Variants in PGCKA1 observed in about 807,000 individuals in gnomAD.
The protein encoded by PGCKA1 is PDCD10 and GCKIII kinases-associated protein 1.
chr4:37,474,758 A>G, the PGCKA1 span, among the ~76,000 whole-genome samples: 1 of 152,172 alleles, frequency 6.6e-6, no homozygotes, highest in Non-Finnish European at 1.5e-5. Context: ...CAGAGATGGT[A>G]CTTAGCGAAG....
the PGCKA1 span, among the ~76,000 whole-genome samples, chr4:37,549,166 C>G: frequency 2.0e-5 from 3 of 152,208 alleles, no homozygotes; most frequent in African/African-American, 7.2e-5. Context: ...TGAAGTGATG[C>G]GATGAGCTTA....
the PGCKA1 span, among the ~76,000 whole-genome samples, chr4:37,526,450 G>A: frequency 0.041 from 6,207 of 152,294 alleles, 175 homozygotes; most frequent in Non-Finnish European, 0.062. Context: ...TGACTTGAGT[G>A]ATGGAAATGG....
the PGCKA1 span, among the ~76,000 whole-genome samples, chr4:37,485,971 C>T: frequency 6.6e-6 from 1 of 152,124 alleles, no homozygotes; most frequent in East Asian, 1.9e-4. Context: ...AGTTAAGCAC[C>T]GTATCATGAA....
the PGCKA1 span, among the ~76,000 whole-genome samples, chr4:37,492,718 T>C: frequency 2.0e-5 from 3 of 152,300 alleles, no homozygotes; most frequent in Middle Eastern, 3.4e-3. This position sits in a 1 kb window ranked among gnomAD's most constrained non-coding sequence, Gnocchi z 4.7. Flanking sequence ...ACTTCCAGAC[T>C]TCTGCTGAGG....
the PGCKA1 span, among the ~76,000 whole-genome samples, chr4:37,488,995 T>C: frequency 2.0e-5 from 3 of 152,132 alleles, no homozygotes; most frequent in East Asian, 3.8e-4. Flanking sequence ...GGCCAGCTTC[T>C]CCTAAGCGGT....
At chr4:37,564,955 T>TAC in the PGCKA1 span, among the ~76,000 whole-genome samples, 4 of 151,470 alleles carry the variant, frequency 2.6e-5, no homozygotes, top group Non-Finnish European at 4.4e-5. Context: ...TTCCACCCCG[T>TAC]ACACACACAC....
the PGCKA1 span, among the ~76,000 whole-genome samples, chr4:37,564,788 C>T: frequency 2.9e-4 from 44 of 152,148 alleles, no homozygotes; most frequent in Admixed American, 7.9e-4. Context: ...ATTAAAGGTG[C>T]GAGCCACTGT....
At chr4:37,531,736 C>A in the PGCKA1 span, among the ~76,000 whole-genome samples, 1 of 150,674 alleles carries the variant, frequency 6.6e-6, no homozygotes, top group African/African-American at 2.4e-5. Flanking sequence ...ACTAAAAATA[C>A]AAAAAATTAG....
chr4:37,547,846 A>T, the PGCKA1 span, among the ~76,000 whole-genome samples: 1 of 152,326 alleles, frequency 6.6e-6, no homozygotes, highest in African/African-American at 2.4e-5. Flanking sequence ...GGATAATTGA[A>T]ATCCCAAACT....
chr4:37,510,564 T>C, the PGCKA1 span, among the ~76,000 whole-genome samples: 61,994 of 151,578 alleles, frequency 0.41, 13,335 homozygotes, highest in African/African-American at 0.53. Context: ...ACAAATGGAG[T>C]CTTTTTCTCT....
At chr4:37,505,640 A>T in the PGCKA1 span, among the ~76,000 whole-genome samples, 1 of 152,210 alleles carries the variant, frequency 6.6e-6, no homozygotes, top group East Asian at 1.9e-4. Context: ...GAGCTTGCTC[A>T]GGGAAACTCC....
chr4:37,562,276 C>A, the PGCKA1 span, among the ~76,000 whole-genome samples: 3 of 152,118 alleles, frequency 2.0e-5, 1 homozygote, highest in Non-Finnish European at 4.4e-5. Context: ...TAATGAGAAC[C>A]AAGTGTATAT....
chr4:37,574,313 A>G, the PGCKA1 span, among the ~76,000 whole-genome samples: 1 of 152,186 alleles, frequency 6.6e-6, no homozygotes, highest in Non-Finnish European at 1.5e-5. Context: ...CCTTTCATAT[A>G]CTACTTGTTC....
chr4:37,583,460 G>A, the PGCKA1 span, among the ~76,000 whole-genome samples: 32 of 149,792 alleles, frequency 2.1e-4, no homozygotes, highest in East Asian at 8.1e-4. Context: ...TTTTTGAGAC[G>A]GAATCTCGCT....
At chr4:37,532,778 C>CT in the PGCKA1 span, among the ~76,000 whole-genome samples, 700 of 151,856 alleles carry the variant, frequency 4.6e-3, 2 homozygotes, top group Non-Finnish European at 7.0e-3. Context: ...ATGCTGACTG[C>CT]TTTTAATATT....
chr4:37,538,974 G>A, the PGCKA1 span, among the ~76,000 whole-genome samples: 1 of 152,164 alleles, frequency 6.6e-6, no homozygotes. Context: ...AGGGGTCACT[G>A]TAGGGTAGAT....
At chr4:37,469,620 A>G in the PGCKA1 span, among the ~76,000 whole-genome samples, 1 of 152,196 alleles carries the variant, frequency 6.6e-6, no homozygotes, top group Non-Finnish European at 1.5e-5. Flanking sequence ...TATTATCTCT[A>G]TATAACCCAG....
the PGCKA1 span, among the ~76,000 whole-genome samples, chr4:37,519,939 C>T: frequency 6.6e-6 from 1 of 152,066 alleles, no homozygotes; most frequent in African/African-American, 2.4e-5. Context: ...AATCCTTCTA[C>T]CCCCAGTATT....
the PGCKA1 span, among the ~76,000 whole-genome samples, chr4:37,489,746 T>C: frequency 2.9e-3 from 440 of 152,248 alleles, 7 homozygotes; most frequent in East Asian, 0.04. Flanking sequence ...AAAAAATAAA[T>C]AAGTTTCCCT....
Sources: gnomAD v4.1 joint callset for allele counts (sites outside exome capture counted in the v4.1 genomes callset) on GRCh38, gnomAD v4.1.1 for gene constraint, Gnocchi (gnomAD v3.1) non-coding constraint, MANE v1.5 for transcripts, NCBI Gene and HGNC (gene_info 2026-07-23, HGNC 2026-07-21) for gene names.